TECRL: variants seen among roughly 807,000 people sequenced by gnomAD.
TECRL encodes the protein trans-2,3-enoyl-CoA reductase-like.
In TECRL, 63 loss-of-function variants were observed where a neutral mutation model predicts 52.8. That is an observed-to-expected ratio of 1.19 (90% CI 0.97 to 1.47). The LOEUF (loss-of-function observed/expected upper bound fraction) is 1.47, where lower values mean the gene tolerates loss of function less well. Ranked by LOEUF, TECRL falls within the 40% of genes most tolerant of loss-of-function variation. The pLI is 0.00. For synonymous variants in TECRL, 164 were observed against 141.9 expected, an observed-to-expected ratio of 1.16 and a Z score of -1.10; for missense variants, 482 against 429.6, an observed-to-expected ratio of 1.12 and a Z score of -1.08.
intron 2 of TECRL, among the ~76,000 whole-genome samples, chr4:64,342,643 A>G (rs1349041122): frequency 6.6e-6 from 1 of 152,122 alleles, no homozygotes; most frequent in Non-Finnish European, 1.5e-5. Context: ...AATGATTTCC[A>G]TGAATCTTAG....
At chr4:64,396,606 C>T (rs1367358010) in intron 1 of TECRL, among the ~76,000 whole-genome samples, 1 of 152,024 alleles carries the variant, frequency 6.6e-6, no homozygotes, top group African/African-American at 2.4e-5. Flanking sequence ...CTTAGGTTGT[C>T]TGTTTACTCT....
intron 2 of TECRL, among the ~76,000 whole-genome samples, chr4:64,360,756 G>A (rs1721129277): frequency 6.6e-6 from 1 of 152,140 alleles, no homozygotes; most frequent in Non-Finnish European, 1.5e-5. Flanking sequence ...CCTGGGGAAA[G>A]GGTGAGTGCA....
intron 2 of TECRL, among the ~76,000 whole-genome samples, chr4:64,350,542 T>A (rs1333291698): frequency 6.6e-6 from 1 of 152,188 alleles, no homozygotes; most frequent in East Asian, 1.9e-4. Context: ...CAAGTTTTTA[T>A]TGACTAATAT....
At chr4:64,375,855 T>C (rs1315793731) in intron 1 of TECRL, among the ~76,000 whole-genome samples, 1 of 151,922 alleles carries the variant, frequency 6.6e-6, no homozygotes, top group African/African-American at 2.4e-5. Flanking sequence ...TTTTTATTCA[T>C]CTAAATTTAA....
At chr4:64,404,282 G>A (rs926842575) in intron 1 of TECRL, among the ~76,000 whole-genome samples, 3 of 147,324 alleles carry the variant, frequency 2.0e-5, no homozygotes, top group Non-Finnish European at 4.5e-5. Flanking sequence ...TTGGAGAAAA[G>A]ATTGAAGAAA....
intron 11 of TECRL, among the ~76,000 whole-genome samples, chr4:64,280,610 T>C (rs1404835226): frequency 2.0e-5 from 3 of 152,176 alleles, no homozygotes; most frequent in Non-Finnish European, 4.4e-5. Context: ...ATTACATATG[T>C]CCCTTCTACT....
At chr4:64,345,723 G>C (rs1410335909) in intron 2 of TECRL, among the ~76,000 whole-genome samples, 1 of 151,152 alleles carries the variant, frequency 6.6e-6, no homozygotes, top group African/African-American at 2.4e-5. Context: ...GAAGTTAAAG[G>C]TTTTCTAAGT....
chr4:64,307,315 T>A (rs1724397926), intron 6 of TECRL, among the ~76,000 whole-genome samples: 1 of 152,092 alleles, frequency 6.6e-6, no homozygotes, highest in African/African-American at 2.4e-5. Flanking sequence ...AAGAAATAGA[T>A]CTGTGGGACC....
intron 1 of TECRL, among the ~76,000 whole-genome samples, chr4:64,403,478 C>CACACACACACAA (rs1438192321): frequency 6.8e-6 from 1 of 147,802 alleles, no homozygotes; most frequent in African/African-American, 2.6e-5. Context: ...CCTGAGCGCA[C>CACACACACACAA]ACACACACAC....
At chr4:64,347,212 T>G (rs1343656414) in intron 2 of TECRL, among the ~76,000 whole-genome samples, 1 of 152,146 alleles carries the variant, frequency 6.6e-6, no homozygotes, top group Non-Finnish European at 1.5e-5. Context: ...TAATCCATCA[T>G]TCCAACATGA....
intron 7 of TECRL, 151 bp from the exon 8 acceptor site, chr4:64,300,168 G>T: frequency 2.2e-6 from 1 of 457,640 alleles, no homozygotes; most frequent in Non-Finnish European, 3.9e-6. Flanking sequence ...TGATACTTTT[G>T]CAATCTAAAG....
intron 2 of TECRL, among the ~76,000 whole-genome samples, chr4:64,336,685 C>G (rs1050079041): frequency 2.0e-5 from 3 of 152,148 alleles, no homozygotes; most frequent in African/African-American, 7.2e-5. Context: ...TTAAATGTGT[C>G]CCAGAGATTC....
intron 7 of TECRL, chr4:64,304,810 GAATA>G (rs1724231941): frequency 6.4e-6 from 1 of 155,370 alleles, no homozygotes; most frequent in Non-Finnish European, 1.4e-5. Context: ...ATATTTAAAA[GAATA>G]ATTAAATGTT....
chr4:64,364,933 A>T lies in TECRL; in HGVS notation c.286+10239T>A, dbSNP rs925610162. Among the ~76,000 whole-genome samples, 5 of 152,004 alleles carry T rather than the reference A, an allele frequency of 3.3e-5. No individual in the cohort carries two copies. In the Admixed American group the frequency reaches 3.3e-4, roughly 10 times the overall value. On this transcript the variant is annotated intron_variant, in intron 2 of 11. Coordinates refer to ENST00000381210, the MANE Select transcript of TECRL (RefSeq NM_001010874.5). ...AGGCCAGCATTATTCCGATACCAAA[A>T]TCTGGCAGAGACATAACAAAATAAG...
At chr4:64,318,342 C>A (rs1000233181) in intron 4 of TECRL, among the ~76,000 whole-genome samples, 1 of 151,804 alleles carries the variant, frequency 6.6e-6, no homozygotes, top group African/African-American at 2.4e-5. Flanking sequence ...TATGTAAAAA[C>A]TTTGAAAAGA....
chr4:64,340,141 A>G (rs1405791011), intron 2 of TECRL, among the ~76,000 whole-genome samples: 1 of 152,204 alleles, frequency 6.6e-6, no homozygotes, highest in East Asian at 1.9e-4. Flanking sequence ...AGGTGAAGCC[A>G]GGACTGCATG....
At chr4:64,288,979 C>T (rs534116888) in intron 9 of TECRL, among the ~76,000 whole-genome samples, 2 of 152,264 alleles carry the variant, frequency 1.3e-5, no homozygotes, top group African/African-American at 2.4e-5. Flanking sequence ...CTTCTTCAAG[C>T]ATCTGGACAA....
At chr4:64,405,278 T>C (rs574563736) in intron 1 of TECRL, among the ~76,000 whole-genome samples, 30 of 152,270 alleles carry the variant, frequency 2.0e-4, no homozygotes, top group African/African-American at 6.7e-4. Context: ...AACAGGCTAG[T>C]TCTTGTTGTT....
chr4:64,367,971 C>T (rs1721718544), intron 2 of TECRL, among the ~76,000 whole-genome samples: 1 of 151,836 alleles, frequency 6.6e-6, no homozygotes, highest in Non-Finnish European at 1.5e-5. Flanking sequence ...CCTCCATAAC[C>T]AGGGCATCAA....
Sources: gnomAD v4.1 joint callset for allele counts (sites outside exome capture counted in the v4.1 genomes callset) on GRCh38, gnomAD v4.1.1 for gene constraint, MANE v1.5 for transcripts, NCBI Gene and HGNC (gene_info 2026-07-23, HGNC 2026-07-21) for gene names.